JAZF1: variants seen among roughly 807,000 people sequenced by gnomAD.
JAZF1 encodes juxtaposed with another zinc finger protein 1.
Under a neutral mutation model 26.4 loss-of-function variants are expected in JAZF1, and 8 were observed. The observed-to-expected ratio is 0.30, with a 90% CI of 0.18 to 0.55. JAZF1 has a LOEUF of 0.55. Ranked by LOEUF, JAZF1 falls within the 20% of genes least tolerant of loss-of-function variation. The pLI is 0.94. For missense variants in JAZF1, 199 were observed against 322.0 expected (o/e 0.62, Z 2.92); for synonymous variants, 126 against 122.3 (o/e 1.03, Z -0.20).
chr7:28,070,925 G>A (rs1181988658), intron 1 of JAZF1, among the ~76,000 whole-genome samples: 3 of 152,192 alleles, frequency 2.0e-5, no homozygotes, highest in Non-Finnish European at 4.4e-5. Flanking sequence ...CCCAGCACTT[G>A]CATACTGCAC....
At chr7:27,928,886 A>G (rs112327897) in intron 2 of JAZF1, among the ~76,000 whole-genome samples, 2 of 152,154 alleles carry the variant, frequency 1.3e-5, no homozygotes, top group African/African-American at 4.8e-5. Flanking sequence ...ACAAACCCCC[A>G]TGACACTTTA....
intron 1 of JAZF1, among the ~76,000 whole-genome samples, chr7:28,095,020 T>C (rs1458229101): frequency 6.6e-6 from 1 of 152,110 alleles, no homozygotes; most frequent in East Asian, 1.9e-4. Context: ...GCTTACCTGA[T>C]ACCCACATGT....
At chr7:27,850,538 C>A (rs1299269649) in intron 3 of JAZF1, among the ~76,000 whole-genome samples, 1 of 152,222 alleles carries the variant, frequency 6.6e-6, no homozygotes, top group Admixed American at 6.5e-5. Context: ...GATTACCTGA[C>A]AGTTCCCAGG....
At chr7:27,994,358 T>G (rs560199727) in intron 1 of JAZF1, among the ~76,000 whole-genome samples, 2 of 152,126 alleles carry the variant, frequency 1.3e-5, no homozygotes, top group African/African-American at 4.8e-5. Context: ...TCATAACCTA[T>G]TCTAGACTTA....
rs972809073 is a variant in JAZF1 at position 27,840,301 on chromosome 7, C to T, written c.555+397G>A. Among the ~76,000 whole-genome samples the T allele has an allele frequency of 3.3e-5, 5 of 152,214 alleles. No individual in the cohort carries two copies. Among genetic ancestry groups the T allele is most frequent in the Admixed American group, 2.6e-4 (4 of 15,290 alleles). On this transcript the variant is annotated intron_variant, in intron 4 of 4. Coordinates refer to ENST00000283928, the MANE Select transcript of JAZF1 (RefSeq NM_175061.4). This position sits in a 1 kb window ranked among gnomAD's most constrained non-coding sequence, Gnocchi z 5.1. ...GGGGCTTTTACAACTTCAAAGTGGTCTCCCGTGAGCCATCTGTAGGGCCAT... is the reference window on the plus strand; with the variant it reads ...GGGGCTTTTACAACTTCAAAGTGGTTTCCCGTGAGCCATCTGTAGGGCCAT...
At chr7:27,962,287 T>G (rs1212614905) in intron 2 of JAZF1, among the ~76,000 whole-genome samples, 1 of 152,198 alleles carries the variant, frequency 6.6e-6, no homozygotes, top group Non-Finnish European at 1.5e-5. Flanking sequence ...CCTTTGTTGA[T>G]GTTATGTTAA....
At chr7:28,121,396 C>G (rs888440563) in intron 1 of JAZF1, among the ~76,000 whole-genome samples, 1 of 152,088 alleles carries the variant, frequency 6.6e-6, no homozygotes, top group South Asian at 2.1e-4. Context: ...TCATATGAGA[C>G]GTTCAATTTG....
At chr7:28,176,829 A>G (rs573806691) in intron 1 of JAZF1, among the ~76,000 whole-genome samples, 2 of 152,284 alleles carry the variant, frequency 1.3e-5, no homozygotes, top group Admixed American at 6.5e-5. Context: ...TAGCACTGGG[A>G]TGCAGGGTTG....
intron 2 of JAZF1, among the ~76,000 whole-genome samples, chr7:27,911,057 AC>A (rs1266452415): frequency 3.3e-5 from 5 of 152,208 alleles, no homozygotes; most frequent in Non-Finnish European, 5.9e-5. Context: ...TCTTATATTA[AC>A]CATGATGCAC....
intron 2 of JAZF1, among the ~76,000 whole-genome samples, chr7:27,949,565 C>A (rs1296845099): frequency 1.3e-5 from 2 of 152,162 alleles, no homozygotes; most frequent in African/African-American, 4.8e-5. Context: ...GAGTTTGAGA[C>A]CAGCCTGGCC....
intron 1 of JAZF1, among the ~76,000 whole-genome samples, chr7:28,175,713 A>AG (rs780048017): frequency 1.2e-4 from 19 of 152,302 alleles, no homozygotes; most frequent in Middle Eastern, 3.4e-3. Flanking sequence ...GGAGGTGAGG[A>AG]GGGGACTGTC....
At chr7:28,150,557 T>C (rs904413884) in intron 1 of JAZF1, among the ~76,000 whole-genome samples, 1 of 152,224 alleles carries the variant, frequency 6.6e-6, no homozygotes, top group Non-Finnish European at 1.5e-5. Flanking sequence ...TTTTTTCTCA[T>C]TGCATGAGGA....
intron 3 of JAZF1, among the ~76,000 whole-genome samples, chr7:27,891,270 ATAAAACACAACATGCCCATT>A (rs1783972591): frequency 6.6e-6 from 1 of 152,208 alleles, no homozygotes; most frequent in South Asian, 2.1e-4. Context: ...AAAACTTTTA[ATAAAACACAACATGCCCATT>A]AATTTAGGTG....
At chr7:27,909,024 T>TTCAC (rs1483130264) in intron 2 of JAZF1, among the ~76,000 whole-genome samples, 1 of 151,852 alleles carries the variant, frequency 6.6e-6, no homozygotes, top group East Asian at 1.9e-4. Flanking sequence ...CATTCATTCA[T>TTCAC]TCAGAGGCAG....
rs76731738 is a variant in JAZF1 at position 27,991,656 on chromosome 7, A to T, written c.188+253T>A. Among the ~76,000 whole-genome samples the T allele has an allele frequency of 0.03, 4,571 of 152,280 alleles. 110 individuals are homozygous for T. Among genetic ancestry groups the T allele is most frequent in the Non-Finnish European group, 0.048 (3,255 of 67,984 alleles). Reference sequence around the variant, plus strand: ...CTATGAAGTCAAAAGAGCATATTCTAACTCTGCATATAAAGTACTTCCAAA... The same window carrying T: ...CTATGAAGTCAAAAGAGCATATTCTTACTCTGCATATAAAGTACTTCCAAA... On this transcript the variant is annotated intron_variant, in intron 2 of 4. Coordinates refer to ENST00000283928, the MANE Select transcript of JAZF1 (RefSeq NM_175061.4).
At chr7:27,846,279 A>G (rs1783028757) in intron 3 of JAZF1, among the ~76,000 whole-genome samples, 1 of 151,822 alleles carries the variant, frequency 6.6e-6, no homozygotes, top group African/African-American at 2.4e-5. Flanking sequence ...AAATAGTAGG[A>G]TCTCCTTTTT....
At chr7:28,147,516 T>A (rs1783045703) in intron 1 of JAZF1, among the ~76,000 whole-genome samples, 1 of 150,532 alleles carries the variant, frequency 6.6e-6, no homozygotes, top group African/African-American at 2.4e-5. Context: ...ATTATGAAAG[T>A]TTAGCTACCT....
chr7:28,027,368 T>C (rs1783111638), intron 1 of JAZF1, among the ~76,000 whole-genome samples: 1 of 152,246 alleles, frequency 6.6e-6, no homozygotes. Context: ...TTGTGGGTTA[T>C]GTTCTTGTTT....
intron 1 of JAZF1, among the ~76,000 whole-genome samples, chr7:28,153,522 C>G (rs528666598): frequency 2.0e-5 from 3 of 152,138 alleles, no homozygotes; most frequent in Non-Finnish European, 2.9e-5. Context: ...TTCTAGATGA[C>G]GATACCAGGA....
Sources: allele counts gnomAD v4.1 joint callset (sites outside exome capture counted in the v4.1 genomes callset), GRCh38; gene constraint gnomAD v4.1.1; non-coding constraint Gnocchi (gnomAD v3.1); transcripts MANE v1.5; gene names NCBI Gene and HGNC (gene_info 2026-07-23, HGNC 2026-07-21).